Variants in EPM2A observed in about 807,000 individuals in gnomAD.
The protein encoded by EPM2A is laforin.
Under a neutral mutation model 26.5 loss-of-function variants are expected in EPM2A, and 21 were observed. That is an observed-to-expected ratio of 0.79 (90% CI 0.56 to 1.14). The LOEUF (loss-of-function observed/expected upper bound fraction) is 1.14, where lower values mean the gene tolerates loss of function less well. Ranked by LOEUF, EPM2A falls within the 50% of genes most tolerant of loss-of-function variation. The pLI, the probability that EPM2A is intolerant of heterozygous loss-of-function variation, is 0.00. For missense variants in EPM2A, 458 were observed against 440.8 expected, an observed-to-expected ratio of 1.04 and a Z score of -0.35; for synonymous variants, 217 against 177.6, an observed-to-expected ratio of 1.22 and a Z score of -1.76.
intron 2 of EPM2A, among the ~76,000 whole-genome samples, chr6:145,681,148 A>T (rs1488259039): frequency 6.6e-6 from 1 of 151,906 alleles, no homozygotes; most frequent in African/African-American, 2.4e-5. Context: ...GCCAGTGATG[A>T]TGAGCATTTT....
chr6:145,561,166 T>C (rs1780799359), intron 2 of EPM2A, among the ~76,000 whole-genome samples: 1 of 151,754 alleles, frequency 6.6e-6, no homozygotes, highest in African/African-American at 2.4e-5. Context: ...TTTTTTTTTT[T>C]TTACTGTAAC....
chr6:145,731,869 C>G (rs1245736413), intron 1 of EPM2A, among the ~76,000 whole-genome samples: 1 of 152,090 alleles, frequency 6.6e-6, no homozygotes, highest in African/African-American at 2.4e-5. Context: ...ATAAAACAGA[C>G]TGCTAACAGG....
chr6:145,681,515 T>A (rs560232244), intron 2 of EPM2A, among the ~76,000 whole-genome samples: 2 of 149,950 alleles, frequency 1.3e-5, no homozygotes, highest in Non-Finnish European at 3.0e-5. Flanking sequence ...CTAGGGTTTT[T>A]ATGGTTTTAG....
chr6:145,705,425 C>A (rs1782168073), intron 1 of EPM2A: 1 of 370,946 alleles, frequency 2.7e-6, no homozygotes, highest in Admixed American at 3.5e-5. Context: ...TGGTGGCGCA[C>A]ACACCTGTAG....
chr6:145,538,671 A>C, intron 2 of EPM2A, among the ~76,000 whole-genome samples: 1 of 152,258 alleles, frequency 6.6e-6, no homozygotes, highest in Non-Finnish European at 1.5e-5. Flanking sequence ...AAGTATTGTA[A>C]CAAGTATTGA....
Position 145,431,042 on chromosome 6 carries a change from T to C in EPM2A, c.556-46945A>G, listed in dbSNP as rs1230381704. ...CTTCTGGTTTCCCTTGGGCTGATTG[T>C]GGCCACTTAATTTCAAATACTCCCC... On this transcript the variant is annotated intron_variant, in intron 4 of 4. Transcript: ENST00000638717. Among the ~76,000 whole-genome samples the C allele has an allele frequency of 5.9e-5, 9 of 152,188 alleles. No homozygotes were observed. The South Asian group carries it at 1.7e-3, about 28-fold the overall frequency.
intron 2 of EPM2A, among the ~76,000 whole-genome samples, chr6:145,541,888 A>C (rs577262114): frequency 2.0e-4 from 31 of 152,094 alleles, no homozygotes; most frequent in African/African-American, 5.3e-4. Flanking sequence ...AACATTATAC[A>C]TTTCCAAGTA....
chr6:145,461,242 T>G (rs1000702574), intron 4 of EPM2A, among the ~76,000 whole-genome samples: 5 of 152,228 alleles, frequency 3.3e-5, no homozygotes, highest in African/African-American at 1.2e-4. Flanking sequence ...TCAGTTCTTG[T>G]GTAGAAGCCT....
At chr6:145,598,809 C>A (rs1239435752) in intron 2 of EPM2A, among the ~76,000 whole-genome samples, 2 of 152,052 alleles carry the variant, frequency 1.3e-5, no homozygotes, top group East Asian at 3.9e-4. Context: ...GGTCTAGTTT[C>A]AAACTTCTGC....
At chr6:145,576,827 A>G (rs1476007670) in intron 2 of EPM2A, among the ~76,000 whole-genome samples, 1 of 152,130 alleles carries the variant, frequency 6.6e-6, no homozygotes, top group African/African-American at 2.4e-5. Flanking sequence ...ATTTGTTCAG[A>G]GATAGACAAT....
intron 2 of EPM2A, among the ~76,000 whole-genome samples, chr6:145,561,476 A>G (rs995753395): frequency 6.6e-6 from 1 of 152,146 alleles, no homozygotes; most frequent in African/African-American, 2.4e-5. Flanking sequence ...TGAATTTGAA[A>G]TGGCATTTCT....
intron 4 of EPM2A, among the ~76,000 whole-genome samples, chr6:145,391,258 T>C (rs80108043): frequency 0.038 from 5,711 of 152,230 alleles, 157 homozygotes; most frequent in Non-Finnish European, 0.058. Flanking sequence ...CCATTGCTGA[T>C]TTCAACCATC....
chr6:145,665,913 C>G (rs1379334621), intron 2 of EPM2A, among the ~76,000 whole-genome samples: 1 of 151,172 alleles, frequency 6.6e-6, no homozygotes, highest in Admixed American at 6.6e-5. Context: ...AAGACAAAAA[C>G]CACATTATTA....
chr6:145,632,762 C>G (rs1460216535), intron 3 of EPM2A, among the ~76,000 whole-genome samples: 1 of 152,160 alleles, frequency 6.6e-6, no homozygotes, highest in Non-Finnish European at 1.5e-5. Context: ...GCTGATTAAT[C>G]TATGTGTTCA....
downstream of EPM2A, among the ~76,000 whole-genome samples, chr6:145,622,695 A>G (rs567083060): frequency 3.9e-5 from 6 of 152,310 alleles, no homozygotes; most frequent in African/African-American, 1.4e-4. Context: ...ACCAGAAGCT[A>G]GAATAGCGGC....
intron 2 of EPM2A, among the ~76,000 whole-genome samples, chr6:145,647,825 A>G (rs971849375): frequency 1.3e-5 from 2 of 152,200 alleles, no homozygotes; most frequent in African/African-American, 4.8e-5. Flanking sequence ...CACTTCTTTG[A>G]CTTTCACAAA....
At chr6:145,402,885 C>A (rs1778509417) in intron 4 of EPM2A, among the ~76,000 whole-genome samples, 1 of 152,042 alleles carries the variant, frequency 6.6e-6, no homozygotes, top group African/African-American at 2.4e-5. Flanking sequence ...TATGTAATAG[C>A]CTAGAAGTGA....
chr6:145,686,542 C>G (rs945281954), intron 1 of EPM2A, among the ~76,000 whole-genome samples: 4 of 152,080 alleles, frequency 2.6e-5, no homozygotes, highest in Non-Finnish European at 5.9e-5. Context: ...AGCATGTTAA[C>G]TCTTTCAGAG....
At chr6:145,551,121 G>A (rs1215608678) in intron 2 of EPM2A, among the ~76,000 whole-genome samples, 1 of 151,912 alleles carries the variant, frequency 6.6e-6, no homozygotes. Flanking sequence ...AATAAAATTT[G>A]ATTTTGATTT....
Sources: gnomAD v4.1 joint callset for allele counts (sites outside exome capture counted in the v4.1 genomes callset) on GRCh38, gnomAD v4.1.1 for gene constraint, MANE v1.5 for transcripts, NCBI Gene and HGNC (gene_info 2026-07-23, HGNC 2026-07-21) for gene names.